The following HMGXB3 variants were observed in gnomAD, a reference collection of about 807,000 sequenced individuals.
HMGXB3 encodes the protein HMG domain-containing protein 3.
In HMGXB3, 45 loss-of-function variants were observed where a neutral mutation model predicts 121.5. The observed-to-expected ratio is 0.37, with a 90% CI of 0.29 to 0.47. The LOEUF (loss-of-function observed/expected upper bound fraction) is 0.47. HMGXB3 is among the 20% of genes least tolerant of loss of function. The pLI is 0.99. For synonymous variants in HMGXB3, 590 were observed against 624.1 expected (o/e 0.95, Z 0.81); for missense variants, 1,376 against 1,602.2 (o/e 0.86, Z 2.41).
In HMGXB3 at chr5:150,010,222, C is replaced by T. The variant is rs577757155; in HGVS notation, c.424C>T (p.Arg142Trp). The T allele has an allele frequency of 2.0e-4, 304 of 1,551,850 alleles. 1 individual carries two copies. The highest frequency in any genetic ancestry group is 1.3e-3 in the African/African-American group (97 of 73,128). Residue 142 changes from arginine (R) to tryptophan (W), a missense_variant, in exon 4 of 20, where the codon CGG (arginine) becomes TGG (tryptophan). Physicochemically the swap from Arg to Trp is moderately radical, Grantham distance 101. This residue lies in a region of HMGXB3 where 1,116 missense variants were observed against 1,369.0 expected (regional missense o/e 0.82). Transcript: ENST00000502717. ...IIPKSSLQED[R>W]SCPQLELCVA... is the part of the protein sequence containing the mutation. Reference sequence around the variant, plus strand: ...CCCCAAGAGCAGCCTGCAGGAGGACCGGAGCTGCCCTCAGCTAGAGCTATG... The same window carrying T: ...CCCCAAGAGCAGCCTGCAGGAGGACTGGAGCTGCCCTCAGCTAGAGCTATG...
intron 9 of HMGXB3, among the ~76,000 whole-genome samples, chr5:150,028,563 T>A (rs866497299): frequency 0.026 from 1,444 of 55,798 alleles, 39 homozygotes; most frequent in African/African-American, 0.1. Flanking sequence ...ATATATATTT[T>A]TTTTTTTTTT....
At chr5:150,042,925 A>G (rs1236993738) in intron 15 of HMGXB3, among the ~76,000 whole-genome samples, 2 of 152,250 alleles carry the variant, frequency 1.3e-5, no homozygotes, top group African/African-American at 4.8e-5. Flanking sequence ...TGGAAACCAA[A>G]TCAGACATTT....
At chr5:150,040,936 C>T in intron 14 of HMGXB3, 57 bp downstream of exon 14, 1 of 1,431,970 alleles carries the variant, frequency 7.0e-7, no homozygotes, top group Non-Finnish European at 9.2e-7. Flanking sequence ...TCGGAATTTT[C>T]AGTGATGGCA....
chr5:150,047,356 G>T, intron 16 of HMGXB3: 1 of 419,438 alleles, frequency 2.4e-6, no homozygotes, highest in Non-Finnish European at 4.4e-6. Context: ...AACCTTAGAA[G>T]ACTGGATTAA....
intron 11 of HMGXB3, among the ~76,000 whole-genome samples, chr5:150,033,433 C>G (rs1756427471): frequency 6.6e-6 from 1 of 152,120 alleles, no homozygotes. Context: ...TTAAGTCTCT[C>G]CCACTAGACT....
In HMGXB3 at chr5:150,012,917, A is replaced by G. The variant is rs75336373; in HGVS notation, c.909+564A>G. ...TTGCCTACAACTAGTATATCGTAATACAATTGATTGCTTTGTATATTGGGC... is the reference window on the plus strand; with the variant it reads ...TTGCCTACAACTAGTATATCGTAATGCAATTGATTGCTTTGTATATTGGGC... On this transcript the variant is annotated intron_variant, in intron 5 of 19. Transcript: ENST00000502717. Among the ~76,000 whole-genome samples the G allele has an allele frequency of 5.2e-3, 794 of 152,376 alleles. 3 individuals carry two copies. The highest frequency in any genetic ancestry group is 0.014 in the Middle Eastern group (4 of 294).
chr5:150,027,486 G>T (rs1003883002), intron 9 of HMGXB3, among the ~76,000 whole-genome samples: 1 of 151,922 alleles, frequency 6.6e-6, no homozygotes, highest in Non-Finnish European at 1.5e-5. Context: ...CATTGCATGT[G>T]TGTAAAATAC....
rs1418543517 is a variant in HMGXB3, at chr5:150,037,537, A to G, written c.2413+10A>G. 6.6e-7 allele frequency: 1 copy of G among 1,519,550 alleles called. No homozygotes were observed. Among genetic ancestry groups the G allele is most frequent in the Non-Finnish European group, 8.9e-7 (1 of 1,126,596 alleles). The allele number at this position is 1,519,550 out of a possible 1,614,324, so 94.1% of individuals were successfully genotyped here. On this transcript the variant is annotated intron_variant, in intron 13 of 19. Coordinates refer to ENST00000502717, the MANE Select transcript of HMGXB3 (RefSeq NM_014983.3). Reference sequence around the variant, plus strand: ...ATAGACATCTACACAGGTGGGTGCCAACCTTCTCTTCCCTCAGAGCATCCC... The same window carrying G: ...ATAGACATCTACACAGGTGGGTGCCGACCTTCTCTTCCCTCAGAGCATCCC...
intron 5 of HMGXB3, among the ~76,000 whole-genome samples, chr5:150,013,114 G>A (rs1179954788): frequency 1.3e-5 from 2 of 152,070 alleles, no homozygotes; most frequent in Non-Finnish European, 2.9e-5. Context: ...TAGGACTTCT[G>A]GTACAATGCT....
intron 2 of HMGXB3, 83 bp downstream of exon 2, chr5:150,005,072 T>A: frequency 6.8e-7 from 1 of 1,469,248 alleles, no homozygotes; most frequent in Non-Finnish European, 9.0e-7. Flanking sequence ...CTTTTAAGAC[T>A]CTTTGAAAAA....
intron 5 of HMGXB3, among the ~76,000 whole-genome samples, chr5:150,018,126 A>C (rs1194726333): frequency 6.6e-6 from 1 of 152,208 alleles, no homozygotes; most frequent in African/African-American, 2.4e-5. Context: ...GCATAGAAGG[A>C]ATGTTGGGCC....
chr5:150,036,564 CTT>C, intron 11 of HMGXB3, 70 bp from the exon 12 acceptor site: 1 of 1,380,028 alleles, frequency 7.2e-7, no homozygotes, highest in South Asian at 1.5e-5. Context: ...TGCTCCCAGA[CTT>C]TTATTATTTT....
chr5:150,009,572 A>G lies in HMGXB3; in HGVS notation c.313-539A>G, dbSNP rs1581246808. On this transcript the variant is annotated intron_variant, in intron 3 of 19. Coordinates refer to ENST00000502717, the MANE Select transcript of HMGXB3 (RefSeq NM_014983.3). ...AAGTCTGGGGAAAACCAGTGAGGTCAGAATGCTTACTTGCTGCCTTGAGTT... is the reference window on the plus strand; with the variant it reads ...AAGTCTGGGGAAAACCAGTGAGGTCGGAATGCTTACTTGCTGCCTTGAGTT... Among the ~76,000 whole-genome samples the G allele has an allele frequency of 2.0e-5, 3 of 152,368 alleles. No individual in the cohort carries two copies. In the East Asian group the frequency reaches 5.8e-4, roughly 29 times the overall value.
intron 16 of HMGXB3, among the ~76,000 whole-genome samples, chr5:150,046,548 C>T (rs1393089473): frequency 6.6e-6 from 1 of 152,236 alleles, no homozygotes; most frequent in Non-Finnish European, 1.5e-5. Flanking sequence ...CACGGTGGCT[C>T]ACGCCTGTAA....
At chr5:150,005,615 GAAAAGA>G (rs1249590852) in intron 2 of HMGXB3, among the ~76,000 whole-genome samples, 2 of 135,608 alleles carry the variant, frequency 1.5e-5, no homozygotes, top group African/African-American at 5.6e-5. Flanking sequence ...AAAAAAAAAA[GAAAAGA>G]AAAAGAAAAA....
At chr5:150,031,036 C>G (rs1756364067) in intron 10 of HMGXB3, among the ~76,000 whole-genome samples, 197 bp downstream of exon 10, 1 of 152,146 alleles carries the variant, frequency 6.6e-6, no homozygotes, top group South Asian at 2.1e-4. Flanking sequence ...TTGTTTTGGT[C>G]TCTTTCCAGG....
chr5:150,024,654 A>G lies in HMGXB3; in HGVS notation c.1434A>G (p.Pro478=), dbSNP rs1238504435. ...CCGAGGGGACAAGTACCTCCAGTCCACTCCCTGCTCCTAAAAAACCTACAG... is the reference window on the plus strand; with the variant it reads ...CCGAGGGGACAAGTACCTCCAGTCCGCTCCCTGCTCCTAAAAAACCTACAG... ...TPSEGTSTSS[P]LPAPKKPTGA... Residue 478 remains proline, a synonymous_variant, in exon 7 of 20, where the codon CCA becomes CCG. Transcript: ENST00000502717. The G allele has an allele frequency of 1.9e-6, 3 of 1,548,530 alleles. No individual in the cohort carries two copies. The highest frequency in any genetic ancestry group is 2.6e-6 in the Non-Finnish European group (3 of 1,145,250).
At chr5:150,028,505 A>ATGTATG (rs1554098983) in intron 9 of HMGXB3, among the ~76,000 whole-genome samples, 4 of 90,502 alleles carry the variant, frequency 4.4e-5, no homozygotes, top group Non-Finnish European at 7.5e-5. Context: ...ATATGTATGT[A>ATGTATG]TGTGTGTGTG....
At chr5:150,037,302 C>T (rs1227711830) in intron 12 of HMGXB3, 98 bp from the exon 13 acceptor site, 6 of 1,213,950 alleles carry the variant, frequency 4.9e-6, no homozygotes, top group Non-Finnish European at 5.6e-6. Flanking sequence ...TCCTAAGCTC[C>T]AGCAAATGAG....
Sources: allele counts gnomAD v4.1 joint callset (sites outside exome capture counted in the v4.1 genomes callset), GRCh38; gene constraint gnomAD v4.1.1; regional missense constraint gnomAD v4.1.1; transcripts MANE v1.5; gene names NCBI Gene and HGNC (gene_info 2026-07-23, HGNC 2026-07-21).